Variants in LSM14A observed in about 807,000 individuals in gnomAD.
LSM14A encodes the protein LSM14A mRNA processing body assembly factor.
LSM14A carries 14 observed loss-of-function variants against 52.4 expected under a neutral mutation model. The observed-to-expected ratio is 0.27, with a 90% CI of 0.18 to 0.42. LSM14A has a LOEUF of 0.42. Ranked by LOEUF, LSM14A falls within the 10% of genes least tolerant of loss-of-function variation. The pLI, the probability that LSM14A is intolerant of heterozygous loss-of-function variation, is 1.00. For missense variants in LSM14A, 417 were observed against 581.8 expected, an observed-to-expected ratio of 0.72 and a Z score of 2.91; for synonymous variants, 185 against 200.3, an observed-to-expected ratio of 0.92 and a Z score of 0.64.
intron 1 of LSM14A, among the ~76,000 whole-genome samples, chr19:34,175,405 A>G (rs2069013713): frequency 6.6e-6 from 1 of 151,648 alleles, no homozygotes; most frequent in Non-Finnish European, 1.5e-5. Flanking sequence ...TAATTTTTGT[A>G]TTTTTTAGTT....
At chr19:34,200,036 A>G (rs2145697933) in intron 3 of LSM14A, among the ~76,000 whole-genome samples, 1 of 152,266 alleles carries the variant, frequency 6.6e-6, no homozygotes, top group Non-Finnish European at 1.5e-5. Flanking sequence ...ATGAACAATT[A>G]TGTGTCTCCT....
rs56321625 is a variant in LSM14A at position 34,217,993 on chromosome 19, CTTTT to C, written c.782-1380_782-1377del. On this transcript the variant is annotated intron_variant, in intron 6 of 9. Transcript: ENST00000544216. The stretch of plus-strand genomic sequence containing the variant: ...AGACACAGACATCTATACCCAAAAC[CTTTT>C]TTTTTTTTTTTTTTTTTCCCCCTGG... Among the ~76,000 whole-genome samples the C allele has an allele frequency of 4.5e-3, 483 of 108,158 alleles. 5 individuals are homozygous for C. The highest frequency in any genetic ancestry group is 0.016 in the African/African-American group (444 of 27,182). The allele number at this position is 108,158 out of a possible 152,430, so 71.0% of individuals were successfully genotyped here.
At chr19:34,209,758 A>C (rs1012745685) in intron 4 of LSM14A, among the ~76,000 whole-genome samples, 1 of 151,660 alleles carries the variant, frequency 6.6e-6, no homozygotes, top group Non-Finnish European at 1.5e-5. Flanking sequence ...GCTGGTCTCG[A>C]ACTCCTGGGC....
intron 3 of LSM14A, 115 bp downstream of exon 3, chr19:34,196,878 C>A: frequency 1.1e-6 from 1 of 924,096 alleles, no homozygotes; most frequent in Non-Finnish European, 1.6e-6. Flanking sequence ...CCTTTTGTAA[C>A]TTTGTTTTAT....
chr19:34,180,572 T>G (rs1264253516), intron 1 of LSM14A, among the ~76,000 whole-genome samples: 1 of 152,184 alleles, frequency 6.6e-6, no homozygotes, highest in Non-Finnish European at 1.5e-5. Flanking sequence ...TCTGTCTAGG[T>G]GCTCAGTCTC....
chr19:34,182,533 G>A (rs2069556805), intron 1 of LSM14A, among the ~76,000 whole-genome samples: 1 of 151,870 alleles, frequency 6.6e-6, no homozygotes, highest in African/African-American at 2.4e-5. Context: ...TGTGGACCTT[G>A]TGAATCTGAA....
rs749529069 is a variant in LSM14A, at chr19:34,194,506, G to T, written c.150G>T (p.Pro50=). ...KVRSFGTEDR[P]TDRPIPPRDE... The stretch of plus-strand genomic sequence containing the variant: ...GATCCTTTGGTACAGAAGACAGACC[G>T]ACAGATCGTCCAATACCACCTCGAG... The change falls in exon 2 of 10, where the codon CCG becomes CCT. Residue 50 remains proline (P), a synonymous_variant. Coordinates refer to ENST00000544216, the MANE Select transcript of LSM14A (RefSeq NM_015578.4). The T allele has an allele frequency of 3.1e-6, 5 of 1,613,980 alleles. No homozygotes were observed. The African/African-American group carries it at 6.7e-5, about 22-fold the overall frequency.
intron 1 of LSM14A, among the ~76,000 whole-genome samples, chr19:34,173,211 C>T (rs2068837065): frequency 6.6e-6 from 1 of 152,246 alleles, no homozygotes. Context: ...TGGCGATCTT[C>T]CTCTGGTGAA....
chr19:34,194,162 C>G (rs753443380), intron 1 of LSM14A, among the ~76,000 whole-genome samples: 1 of 152,144 alleles, frequency 6.6e-6, no homozygotes, highest in Non-Finnish European at 1.5e-5. Context: ...GACAGAGACC[C>G]AGTCTCATCA....
At position 34,213,822 on chromosome 19, in the gene LSM14A, C is replaced by T. The variant is rs576128716; in HGVS notation, c.539-1302C>T. Among the ~76,000 whole-genome samples the T allele has an allele frequency of 3.3e-5, 5 of 152,302 alleles. No individual in the cohort carries two copies. The South Asian group carries it at 1.0e-3, about 32-fold the overall frequency. On this transcript the variant is annotated intron_variant, in intron 4 of 9. Transcript: ENST00000544216. ...TTTGAGACAGAGTCTAGTTTTGTCACCCAGGCTGGATGCAGTGGACCGATC... is the reference window on the plus strand; with the variant it reads ...TTTGAGACAGAGTCTAGTTTTGTCATCCAGGCTGGATGCAGTGGACCGATC...
chr19:34,197,774 A>T (rs545240807), intron 3 of LSM14A, among the ~76,000 whole-genome samples: 2 of 152,198 alleles, frequency 1.3e-5, no homozygotes, highest in Admixed American at 1.3e-4. Flanking sequence ...TTAAACATAC[A>T]TAAGACATGC....
At chr19:34,205,202 A>G (rs1023874195) in intron 3 of LSM14A, among the ~76,000 whole-genome samples, 2 of 151,512 alleles carry the variant, frequency 1.3e-5, no homozygotes, top group Non-Finnish European at 2.9e-5. Flanking sequence ...GAAGCTAGGA[A>G]AGGGCCAGGT....
At chr19:34,220,003 T>C in intron 8 of LSM14A, 126 bp downstream of exon 8, 2 of 716,316 alleles carry the variant, frequency 2.8e-6, no homozygotes, top group Non-Finnish European at 4.6e-6. Context: ...ACAGTCTTAC[T>C]CTGTTACTCA....
intron 6 of LSM14A, 75 bp downstream of exon 6, chr19:34,215,736 T>A: frequency 9.4e-7 from 1 of 1,068,194 alleles, no homozygotes; most frequent in African/African-American, 1.6e-5. Context: ...GATACATAAT[T>A]ACTATAAAAA....
At chr19:34,189,047 ACTT>A (rs2070154049) in intron 1 of LSM14A, among the ~76,000 whole-genome samples, 1 of 152,174 alleles carries the variant, frequency 6.6e-6, no homozygotes, top group African/African-American at 2.4e-5. Context: ...TGCTTAGCCC[ACTT>A]GCTGGACTGT....
At chr19:34,188,312 A>G (rs974214647) in intron 1 of LSM14A, among the ~76,000 whole-genome samples, 4 of 152,116 alleles carry the variant, frequency 2.6e-5, no homozygotes, top group African/African-American at 9.7e-5. Context: ...AGAAAAAATT[A>G]TTAGGGCAAT....
At chr19:34,173,105 C>T (rs768743974) in intron 1 of LSM14A, among the ~76,000 whole-genome samples, 1 of 152,250 alleles carries the variant, frequency 6.6e-6, no homozygotes, top group African/African-American at 2.4e-5. Context: ...CAAAACAAAG[C>T]CGGAGTATTC....
At chr19:34,175,940 C>G (rs1490157156) in intron 1 of LSM14A, among the ~76,000 whole-genome samples, 1 of 152,100 alleles carries the variant, frequency 6.6e-6, no homozygotes, top group African/African-American at 2.4e-5. Context: ...GCTGCAGCCT[C>G]CACCTCCCGG....
At chr19:34,201,946 C>T (rs968050126) in intron 3 of LSM14A, among the ~76,000 whole-genome samples, 1 of 151,810 alleles carries the variant, frequency 6.6e-6, no homozygotes, top group East Asian at 1.9e-4. Context: ...CTCAACCTCC[C>T]TAGTAGCTGG....
Sources: gnomAD v4.1 joint callset for allele counts (sites outside exome capture counted in the v4.1 genomes callset) on GRCh38, gnomAD v4.1.1 for gene constraint, MANE v1.5 for transcripts, NCBI Gene and HGNC (gene_info 2026-07-23, HGNC 2026-07-21) for gene names.